ACAP2: variants seen among roughly 807,000 people sequenced by gnomAD.
ACAP2 encodes the protein ArfGAP with coiled-coil, ankyrin repeat and PH domains 2.
In ACAP2, 39 loss-of-function variants were observed where a neutral mutation model predicts 115.8. The observed-to-expected ratio is 0.34, with a 90% CI of 0.26 to 0.44. ACAP2 has a LOEUF of 0.44. Among genes scored for constraint, ACAP2 ranks in the 20% least tolerant of loss-of-function variants. The pLI is 1.00. For missense variants in ACAP2, 662 were observed against 927.6 expected, an observed-to-expected ratio of 0.71 and a Z score of 3.72; for synonymous variants, 289 against 315.8, an observed-to-expected ratio of 0.92 and a Z score of 0.90.
At chr3:195,381,697 G>C (rs1733949582) in intron 3 of ACAP2, among the ~76,000 whole-genome samples, 1 of 152,068 alleles carries the variant, frequency 6.6e-6, no homozygotes, top group East Asian at 1.9e-4. Flanking sequence ...GGTGAGAAGA[G>C]CCATGCTAGA....
chr3:195,371,544 A>C (rs1254800450), intron 4 of ACAP2, among the ~76,000 whole-genome samples: 1 of 152,062 alleles, frequency 6.6e-6, no homozygotes, highest in Non-Finnish European at 1.5e-5. Flanking sequence ...GATGCCCTTT[A>C]TTTCCTTCTC....
chr3:195,343,189 TTATC>T (rs1472994867), intron 5 of ACAP2, among the ~76,000 whole-genome samples: 1 of 152,204 alleles, frequency 6.6e-6, no homozygotes, highest in African/African-American at 2.4e-5. Context: ...TGACAATAAA[TTATC>T]TAATTAACAT....
chr3:195,401,034 T>C lies in ACAP2; in HGVS notation c.54-8887A>G, dbSNP rs1712245642. On this transcript the variant is annotated intron_variant, in intron 1 of 22. Coordinates refer to ENST00000326793, the MANE Select transcript of ACAP2 (RefSeq NM_012287.6). ...GCAGCATAGCAAGACTCCGTCTCTGTAATTAACTAATTAATTAACTACATT... is the reference window on the plus strand; with the variant it reads ...GCAGCATAGCAAGACTCCGTCTCTGCAATTAACTAATTAATTAACTACATT... 1.3e-5 allele frequency among the ~76,000 whole-genome samples: 2 copies of C among 152,210 alleles called. 1 individual carries two copies. The highest frequency in any genetic ancestry group is 1.3e-4 in the Admixed American group (2 of 15,276).
chr3:195,326,090 CTGG>C (rs1729777185), intron 9 of ACAP2, among the ~76,000 whole-genome samples: 1 of 152,056 alleles, frequency 6.6e-6, no homozygotes, highest in South Asian at 2.1e-4. Context: ...ATCTAGTTTA[CTGG>C]TATTTTAAAT....
rs1225512924 is a variant in ACAP2, at chr3:195,355,172, A to G, written c.286-9855T>C. On this transcript the variant is annotated intron_variant, in intron 4 of 22. Transcript: ENST00000326793. ...CAATAATGTAGGCTATATACTTTTA[A>G]TACTTCCATTAGTGTGAAAAGTATG... Among the ~76,000 whole-genome samples the G allele has an allele frequency of 3.3e-5, 5 of 152,200 alleles. No homozygotes were observed. In the East Asian group the frequency reaches 7.7e-4, roughly 23 times the overall value.
At chr3:195,299,824 C>G (rs911474062) in intron 15 of ACAP2, among the ~76,000 whole-genome samples, 1 of 151,448 alleles carries the variant, frequency 6.6e-6, no homozygotes, top group African/African-American at 2.4e-5. Context: ...GGCGACACAG[C>G]GAGACTCCCT....
At chr3:195,332,656 T>G (rs189078437) in intron 8 of ACAP2, among the ~76,000 whole-genome samples, 80 of 152,240 alleles carry the variant, frequency 5.3e-4, no homozygotes, top group African/African-American at 1.9e-3. Context: ...AGAGACAAGG[T>G]GGAGGGAACT....
At chr3:195,394,573 C>T (rs1711581503) in intron 1 of ACAP2, among the ~76,000 whole-genome samples, 1 of 152,148 alleles carries the variant, frequency 6.6e-6, no homozygotes, top group Admixed American at 6.5e-5. Context: ...CCCAGCACTT[C>T]GGGAAGCCGA....
intron 6 of ACAP2, among the ~76,000 whole-genome samples, chr3:195,341,993 G>A (rs74288796): frequency 1.3e-5 from 2 of 152,022 alleles, no homozygotes; most frequent in Admixed American, 6.6e-5. Flanking sequence ...ACTCAGAAAG[G>A]GGGGAAGGTG....
At chr3:195,320,853 CTAAG>C (rs1729402635) in intron 9 of ACAP2, 40 bp from the exon 10 acceptor site, 2 of 1,365,908 alleles carry the variant, frequency 1.5e-6, no homozygotes, top group Non-Finnish European at 2.1e-6. Context: ...TATGACTTGA[CTAAG>C]TTTCCTAGAC....
At chr3:195,310,969 A>G (rs1728724995) in intron 10 of ACAP2, among the ~76,000 whole-genome samples, 1 of 152,168 alleles carries the variant, frequency 6.6e-6, no homozygotes, top group Non-Finnish European at 1.5e-5. Context: ...CATTGCTATT[A>G]TAAATTAAAA....
chr3:195,326,434 A>G (rs537270549), intron 9 of ACAP2: 1 of 153,392 alleles, frequency 6.5e-6, no homozygotes, highest in Non-Finnish European at 1.5e-5. Flanking sequence ...ATCTCGTGAC[A>G]GAGAGGAAAG....
Position 195,382,006 on chromosome 3 carries a change from A to G in ACAP2, c.128T>C (p.Ile43Thr), listed in dbSNP as rs758098905. The G allele has an allele frequency of 1.8e-5, 29 of 1,602,776 alleles. No individual in the cohort carries two copies. Among genetic ancestry groups the G allele is most frequent in the Non-Finnish European group, 2.5e-5 (29 of 1,177,262 alleles). Residue 43 changes from isoleucine to threonine, a missense_variant, in exon 3 of 23, where the codon ATT (isoleucine) becomes ACT (threonine). Ile to Thr is a moderately conservative substitution (Grantham distance 89). This residue lies in a region of ACAP2 where 401 missense variants were observed against 604.4 expected (regional missense o/e 0.66). Coordinates refer to ENST00000326793, the MANE Select transcript of ACAP2 (RefSeq NM_012287.6). ...GGCTTTTCCAGTATCAATCATTGCA[A>G]TACAAAGTTTCACAAGCTGAAAAAG... ...LKLDKLVKLC[I>T]AMIDTGKAFC... is the part of the protein sequence containing the mutation.
intron 1 of ACAP2, among the ~76,000 whole-genome samples, chr3:195,402,394 C>T (rs1003858711): frequency 2.0e-5 from 3 of 151,592 alleles, no homozygotes; most frequent in African/African-American, 7.3e-5. Flanking sequence ...TAAAAGTCTC[C>T]AGAAAAAAAT....
Position 195,315,520 on chromosome 3 carries a change from A to G in ACAP2, c.857+5181T>C, listed in dbSNP as rs774896575. ...TTCTATCAAAATAAAGATGGTTTGG[A>G]ATTTTCACAGCAAGTAAGAAAAATG... On this transcript the variant is annotated intron_variant, in intron 10 of 22. Coordinates refer to ENST00000326793, the MANE Select transcript of ACAP2 (RefSeq NM_012287.6). 5.9e-5 allele frequency among the ~76,000 whole-genome samples: 9 copies of G among 152,344 alleles called. 1 individual carries two copies. In the Middle Eastern group the frequency reaches 0.024, roughly 403 times the overall value.
intron 6 of ACAP2, 101 bp downstream of exon 6, chr3:195,342,368 GTT>G (rs1269219310): frequency 5.1e-6 from 6 of 1,165,294 alleles, no homozygotes; most frequent in Admixed American, 2.9e-5. Context: ...TTAACTTTAA[GTT>G]CAGAGTAAAA....
intron 1 of ACAP2, among the ~76,000 whole-genome samples, chr3:195,406,272 T>G (rs1712761491): frequency 6.6e-6 from 1 of 152,186 alleles, no homozygotes; most frequent in Non-Finnish European, 1.5e-5. Context: ...CTTATTTAAA[T>G]ATCCTCATAG....
At chr3:195,334,003 C>T (rs762612617) in intron 7 of ACAP2, among the ~76,000 whole-genome samples, 6 of 152,024 alleles carry the variant, frequency 3.9e-5, no homozygotes, top group Non-Finnish European at 7.4e-5. Flanking sequence ...AGAGATTTGT[C>T]CAAGTTTTCC....
chr3:195,394,975 A>G (rs1711618073), intron 1 of ACAP2, among the ~76,000 whole-genome samples: 1 of 141,778 alleles, frequency 7.1e-6, no homozygotes. Flanking sequence ...GACTGTTCAT[A>G]TCATCAATCA....
Sources: gnomAD v4.1 joint callset for allele counts (sites outside exome capture counted in the v4.1 genomes callset) on GRCh38, gnomAD v4.1.1 for gene constraint, gnomAD v4.1.1 regional missense constraint, MANE v1.5 for transcripts, NCBI Gene and HGNC (gene_info 2026-07-23, HGNC 2026-07-21) for gene names.